PRR5L: variants seen among roughly 807,000 people sequenced by gnomAD.
PRR5L encodes proline rich 5 like.
Under a neutral mutation model 36.4 loss-of-function variants are expected in PRR5L, and 21 were observed. The observed-to-expected ratio is 0.58, with a 90% confidence interval of 0.41 to 0.83. The LOEUF (loss-of-function observed/expected upper bound fraction) is 0.83, where lower values mean the gene tolerates loss of function less well. PRR5L is among the 40% of genes least tolerant of loss of function. The probability of loss-of-function intolerance (pLI) is 0.00; values close to 1 mark genes in which losing one functional copy is unlikely to be tolerated. For missense variants in PRR5L, 381 were observed against 473.3 expected (o/e 0.80, Z 1.81); for synonymous variants, 188 against 197.0 (o/e 0.95, Z 0.38).
intron 1 of PRR5L, among the ~76,000 whole-genome samples, chr11:36,364,220 G>C: frequency 6.6e-6 from 1 of 152,210 alleles, no homozygotes; most frequent in Non-Finnish European, 1.5e-5. Flanking sequence ...TTAATGAGTT[G>C]ACACTTGTGA....
intron 1 of PRR5L, among the ~76,000 whole-genome samples, chr11:36,361,493 T>C (rs1857087195): frequency 6.6e-6 from 1 of 152,226 alleles, no homozygotes; most frequent in South Asian, 2.1e-4. Flanking sequence ...ATATAACTTA[T>C]AAAAACAAAA....
intron 1 of PRR5L, chr11:36,393,755 A>G (rs1857605138): frequency 6.6e-6 from 1 of 152,190 alleles, no homozygotes; most frequent in East Asian, 1.9e-4. Flanking sequence ...CAATCTGTAG[A>G]CTGCTTTAGA....
chr11:36,461,575 A>C (rs1331266638), intron 8 of PRR5L, among the ~76,000 whole-genome samples: 1 of 152,052 alleles, frequency 6.6e-6, no homozygotes, highest in Non-Finnish European at 1.5e-5. Context: ...GTGAGCTGAG[A>C]TCACACCACT....
chr11:36,447,511 A>G (rs1055069043), intron 7 of PRR5L, among the ~76,000 whole-genome samples: 2 of 152,192 alleles, frequency 1.3e-5, no homozygotes, highest in African/African-American at 4.8e-5. Context: ...GACACCCCCA[A>G]GAGGTGACTA....
At chr11:36,376,112 T>G in intron 1 of PRR5L, 1 of 1,303,196 alleles carries the variant, frequency 7.7e-7, no homozygotes, top group Non-Finnish European at 1.0e-6. Flanking sequence ...GCAATTTTTT[T>G]TTTTTAAGTC....
intron 1 of PRR5L, among the ~76,000 whole-genome samples, chr11:36,351,086 ATG>A (rs1429868476): frequency 1.7e-5 from 2 of 117,008 alleles, no homozygotes; most frequent in African/African-American, 3.4e-5. Flanking sequence ...TTATAAATAT[ATG>A]TATTTTATAT....
chr11:36,382,161 C>T (rs1372641599), intron 1 of PRR5L, among the ~76,000 whole-genome samples: 2 of 152,094 alleles, frequency 1.3e-5, no homozygotes, highest in African/African-American at 4.8e-5. Context: ...CCGTCTCAAA[C>T]AAAAGAAAAC....
chr11:36,348,661 T>G (rs1856891873), intron 1 of PRR5L, among the ~76,000 whole-genome samples: 1 of 152,164 alleles, frequency 6.6e-6, no homozygotes. Flanking sequence ...TTACATATTT[T>G]CATATTAATA....
At chr11:36,349,863 A>C (rs1267215965) in intron 1 of PRR5L, 1 of 152,170 alleles carries the variant, frequency 6.6e-6, no homozygotes, top group Non-Finnish European at 1.5e-5. Flanking sequence ...TCACAAGAGG[A>C]AAATGGAACC....
At chr11:36,314,537 T>A (rs1337212334) in intron 1 of PRR5L, among the ~76,000 whole-genome samples, 1 of 152,236 alleles carries the variant, frequency 6.6e-6, no homozygotes, top group Non-Finnish European at 1.5e-5. Flanking sequence ...AAGTCCCACT[T>A]GGCTATGTTT....
intron 3 of PRR5L, among the ~76,000 whole-genome samples, chr11:36,417,959 T>C (rs921208584): frequency 2.0e-5 from 3 of 152,272 alleles, no homozygotes; most frequent in African/African-American, 4.8e-5. Context: ...CCTTACCTTG[T>C]CTGGATCAAA....
chr11:36,420,834 AACACACACACACACACACACAC>A (rs58639707), intron 4 of PRR5L, among the ~76,000 whole-genome samples: 1 of 139,302 alleles, frequency 7.2e-6, no homozygotes, highest in Non-Finnish European at 1.6e-5. Context: ...CAGTTGTTTA[AACACACACACACACACACACAC>A]ACACACACAC....
chr11:36,394,884 C>A (rs1180629746), intron 1 of PRR5L, among the ~76,000 whole-genome samples: 1 of 152,142 alleles, frequency 6.6e-6, no homozygotes, highest in Admixed American at 6.5e-5. Flanking sequence ...TTTCTGCCTA[C>A]CACAGTGAGT....
intron 6 of PRR5L, among the ~76,000 whole-genome samples, chr11:36,442,282 C>T (rs778760176): frequency 1.2e-4 from 18 of 152,000 alleles, no homozygotes; most frequent in Non-Finnish European, 2.4e-4. Context: ...TCCTTTACAC[C>T]TATTCCTGAT....
At chr11:36,415,599 C>T (rs1475500684) in intron 3 of PRR5L, among the ~76,000 whole-genome samples, 1 of 152,126 alleles carries the variant, frequency 6.6e-6, no homozygotes, top group East Asian at 1.9e-4. Flanking sequence ...GAAAAATTAG[C>T]CAGGAGCAGT....
At chr11:36,364,838 G>A (rs554261082) in intron 1 of PRR5L, among the ~76,000 whole-genome samples, 10 of 152,072 alleles carry the variant, frequency 6.6e-5, no homozygotes, top group East Asian at 5.8e-4. Context: ...GTGTGACGTC[G>A]GGCAATTTGA....
chr11:36,376,725 G>A, intron 1 of PRR5L: 1 of 985,798 alleles, frequency 1.0e-6, no homozygotes, highest in Non-Finnish European at 1.2e-6. Context: ...GGTGGGGGGC[G>A]TCTCTGGGAG....
intron 4 of PRR5L, chr11:36,426,078 TG>T (rs1858376518): frequency 6.6e-6 from 1 of 152,288 alleles, no homozygotes; most frequent in African/African-American, 2.4e-5. Flanking sequence ...AAGGCCCAGC[TG>T]GGTGGAGGCC....
At chr11:36,332,010 A>C (rs1282795661) in intron 1 of PRR5L, among the ~76,000 whole-genome samples, 1 of 152,166 alleles carries the variant, frequency 6.6e-6, no homozygotes, top group Non-Finnish European at 1.5e-5. Context: ...AAAATGCAGA[A>C]AACCACAGGA....
Sources: allele counts gnomAD v4.1 joint callset (sites outside exome capture counted in the v4.1 genomes callset), GRCh38; gene constraint gnomAD v4.1.1; transcripts MANE v1.5; gene names NCBI Gene and HGNC (gene_info 2026-07-23, HGNC 2026-07-21).